The following CLCN3 variants were observed in gnomAD, a reference collection of about 807,000 sequenced individuals.
CLCN3 encodes Cl-/H+ antiporter 3, also known as H(+)/Cl(-) exchange transporter 3.
Under a neutral mutation model 83.4 loss-of-function variants are expected in CLCN3, and 16 were observed. The observed-to-expected ratio is 0.19, with a 90% confidence interval of 0.13 to 0.29. The LOEUF is 0.29. Ranked by LOEUF, CLCN3 falls within the 10% of genes least tolerant of loss-of-function variation. The pLI, the probability that CLCN3 is intolerant of heterozygous loss-of-function variation, is 1.00. For missense variants in CLCN3, 544 were observed against 1,006.0 expected, an observed-to-expected ratio of 0.54 and a Z score of 6.21; for synonymous variants, 322 against 346.2, an observed-to-expected ratio of 0.93 and a Z score of 0.78.
At chr4:169,663,313 T>TG (rs1731126612) in intron 2 of CLCN3, among the ~76,000 whole-genome samples, 1 of 25,036 alleles carries the variant, frequency 4.0e-5, no homozygotes, top group African/African-American at 6.3e-5. Flanking sequence ...AAGTGGGTTT[T>TG]TTTGTTGTTG....
At chr4:169,705,440 G>C (rs1434123451) in intron 10 of CLCN3, among the ~76,000 whole-genome samples, 1 of 152,142 alleles carries the variant, frequency 6.6e-6, no homozygotes, top group African/African-American at 2.4e-5. Flanking sequence ...GCCATTTTTA[G>C]TTTGATGACT....
chr4:169,680,207 G>A lies in CLCN3; in HGVS notation c.318G>A (p.Arg106=), dbSNP rs757827058. 6.2e-7 allele frequency: 1 copy of A among 1,603,420 alleles called. No individual in the cohort carries two copies. Among genetic ancestry groups the A allele is most frequent in the Non-Finnish European group, 8.5e-7 (1 of 1,175,900 alleles). ...EKCKDRERHR[R]INSKKKESAW... ...GTAAAGACAGAGAAAGGCATAGACG[G>A]GTAAGTGTTTTTAGTAAAAATTTTT... Residue 106 remains arginine, a splice_region_variant and synonymous_variant, in exon 3 of 13, where the codon CGG becomes CGA. Coordinates refer to ENST00000513761, the MANE Select transcript of CLCN3 (RefSeq NM_001829.4).
intron 1 of CLCN3, among the ~76,000 whole-genome samples, chr4:169,631,933 C>T (rs542149250): frequency 6.6e-6 from 1 of 152,188 alleles, no homozygotes; most frequent in Admixed American, 6.5e-5. Context: ...AATAAAAAAT[C>T]TACCAACCAG....
chr4:169,709,472 C>A (rs1464649911), intron 11 of CLCN3, among the ~76,000 whole-genome samples: 1 of 151,710 alleles, frequency 6.6e-6, no homozygotes, highest in Non-Finnish European at 1.5e-5. Flanking sequence ...TCACTTGAGG[C>A]CAGGAGTTTG....
chr4:169,680,245 C>T (rs745347526), intron 3 of CLCN3, 38 bp downstream of exon 3: 6 of 1,430,522 alleles, frequency 4.2e-6, no homozygotes, highest in South Asian at 1.2e-5. Context: ...AAACATAGTG[C>T]ATAATTAGAT....
rs551260001 is a variant in CLCN3 at position 169,633,427 on chromosome 4, T to C, written c.-16-2486T>C. Among the ~76,000 whole-genome samples the C allele has an allele frequency of 9.9e-4, 151 of 152,358 alleles. 1 individual carries two copies. The highest frequency in any genetic ancestry group is 3.5e-3 in the African/African-American group (147 of 41,584). ...GTGATTAAAATGGAAAAGGTGACTT[T>C]GCATTATTTTTTTTAAATATGTAAA... On this transcript the variant is annotated intron_variant, in intron 1 of 12. Coordinates refer to ENST00000513761, the MANE Select transcript of CLCN3 (RefSeq NM_001829.4).
At chr4:169,713,395 A>G in intron 12 of CLCN3, 100 bp downstream of exon 12, 2 of 872,604 alleles carry the variant, frequency 2.3e-6, no homozygotes, top group South Asian at 3.0e-5. Flanking sequence ...GTCAGCTCCC[A>G]GGTGGGAAAG....
At chr4:169,632,330 A>G (rs1773393517) in intron 1 of CLCN3, among the ~76,000 whole-genome samples, 1 of 152,152 alleles carries the variant, frequency 6.6e-6, no homozygotes, top group Non-Finnish European at 1.5e-5. Flanking sequence ...AAGATATACA[A>G]CTGGCCAACA....
intron 5 of CLCN3, among the ~76,000 whole-genome samples, chr4:169,690,214 C>T (rs535369163): frequency 2.9e-5 from 4 of 136,534 alleles, no homozygotes; most frequent in Non-Finnish European, 6.1e-5. Flanking sequence ...GGCACGATCT[C>T]GGCTCCCTGC....
chr4:169,656,832 T>C (rs1004892446), intron 2 of CLCN3, among the ~76,000 whole-genome samples: 15 of 152,130 alleles, frequency 9.9e-5, no homozygotes, highest in Non-Finnish European at 8.8e-5. Flanking sequence ...TTCCCTGCTA[T>C]TGGGGAGGCT....
intron 9 of CLCN3, among the ~76,000 whole-genome samples, chr4:169,703,024 C>T (rs1441342599): frequency 6.6e-6 from 1 of 152,128 alleles, no homozygotes; most frequent in Non-Finnish European, 1.5e-5. Context: ...GCAGTCAGAC[C>T]ACATACAACA....
intron 7 of CLCN3, among the ~76,000 whole-genome samples, chr4:169,694,169 C>T (rs1732479402): frequency 6.6e-6 from 1 of 152,106 alleles, no homozygotes; most frequent in Non-Finnish European, 1.5e-5. Flanking sequence ...TTAATGCCAA[C>T]AATTTGATTA....
intron 2 of CLCN3, chr4:169,660,120 G>A (rs1419982761): frequency 6.5e-6 from 7 of 1,083,262 alleles, no homozygotes; most frequent in African/African-American, 4.9e-5. Context: ...ACCTGATTAA[G>A]AAGGCTGTGC....
chr4:169,687,530 T>TA, intron 3 of CLCN3, 128 bp from the exon 4 acceptor site: 1 of 563,814 alleles, frequency 1.8e-6, no homozygotes, highest in Non-Finnish European at 3.1e-6. Context: ...GCTCCAGACT[T>TA]ACCTTTTCCA....
chr4:169,681,297 C>T (rs1010602820), intron 3 of CLCN3, among the ~76,000 whole-genome samples: 3 of 152,222 alleles, frequency 2.0e-5, no homozygotes, highest in Non-Finnish European at 4.4e-5. Context: ...ATTGGCTGAC[C>T]TCAGCCTCCC....
intron 4 of CLCN3, among the ~76,000 whole-genome samples, chr4:169,688,224 C>G (rs758506827): frequency 5.3e-5 from 8 of 152,176 alleles, no homozygotes; most frequent in Non-Finnish European, 1.0e-4. Context: ...TGACTGAGGT[C>G]ATACAGTTTA....
chr4:169,679,862 G>C (rs1731863099), intron 2 of CLCN3, among the ~76,000 whole-genome samples, 188 bp from the exon 3 acceptor site: 1 of 151,906 alleles, frequency 6.6e-6, no homozygotes, highest in South Asian at 2.1e-4. Flanking sequence ...CTTGGCAACA[G>C]AGGGAGACCG....
chr4:169,715,448 C>T (rs1733388468), intron 12 of CLCN3, among the ~76,000 whole-genome samples: 1 of 151,972 alleles, frequency 6.6e-6, no homozygotes. Flanking sequence ...AGGGAAGTGG[C>T]TCATGGGACT....
At chr4:169,622,759 G>A (rs910899002) in intron 1 of CLCN3, among the ~76,000 whole-genome samples, 2 of 152,144 alleles carry the variant, frequency 1.3e-5, no homozygotes, top group African/African-American at 2.4e-5. Context: ...AAGCCTGGGA[G>A]TATGATTTCA....
Sources: gnomAD v4.1 joint callset for allele counts (sites outside exome capture counted in the v4.1 genomes callset) on GRCh38, gnomAD v4.1.1 for gene constraint, MANE v1.5 for transcripts, NCBI Gene and HGNC (gene_info 2026-07-23, HGNC 2026-07-21) for gene names.